SLC6A2: variants seen among roughly 807,000 people sequenced by gnomAD.
SLC6A2 encodes the protein sodium-dependent noradrenaline transporter.
In SLC6A2, 26 loss-of-function variants were observed where a neutral mutation model predicts 71.7. The ratio of observed to expected loss-of-function variants is 0.36; its 90% CI spans 0.27 to 0.50. The LOEUF is 0.50. Among genes scored for constraint, SLC6A2 ranks in the 20% least tolerant of loss-of-function variants. The probability of loss-of-function intolerance (pLI) is 0.96; values close to 1 mark genes in which losing one functional copy is unlikely to be tolerated. For missense variants in SLC6A2, 581 were observed against 803.9 expected (o/e 0.72, Z 3.35); for synonymous variants, 363 against 337.9 (o/e 1.07, Z -0.82).
intron 5 of SLC6A2, among the ~76,000 whole-genome samples, chr16:55,689,131 C>A (rs1430538936): frequency 1.3e-5 from 2 of 152,150 alleles, no homozygotes; most frequent in Non-Finnish European, 2.9e-5. Flanking sequence ...AGCTGAGAAG[C>A]CTGGGGTGGA....
chr16:55,702,280 T>C, intron 14 of SLC6A2, 43 bp from the exon 15 acceptor site: 1 of 1,608,260 alleles, frequency 6.2e-7, no homozygotes, highest in Non-Finnish European at 8.5e-7. Context: ...TGCTCCTTTC[T>C]GTCCCCACCA....
chr16:55,700,333 C>G, intron 13 of SLC6A2, 27 bp downstream of exon 13: 5 of 1,595,506 alleles, frequency 3.1e-6, no homozygotes, highest in Non-Finnish European at 4.3e-6. Flanking sequence ...CCCAGGGGAA[C>G]AGGGTGGGAG....
chr16:55,679,216 TTTC>T (rs1415536743), intron 4 of SLC6A2, among the ~76,000 whole-genome samples: 1 of 150,630 alleles, frequency 6.6e-6, no homozygotes, highest in Admixed American at 6.6e-5. Context: ...TGCCTCTGGT[TTTC>T]TTTTTTCTTT....
chr16:55,676,711 T>A (rs1318903486), intron 4 of SLC6A2, among the ~76,000 whole-genome samples: 1 of 152,244 alleles, frequency 6.6e-6, no homozygotes, highest in South Asian at 2.1e-4. Flanking sequence ...ATTCCAGCCA[T>A]AGTTCAAAGC....
intron 4 of SLC6A2, among the ~76,000 whole-genome samples, chr16:55,683,385 G>A (rs192176927): frequency 9.8e-5 from 15 of 152,322 alleles, no homozygotes; most frequent in Admixed American, 9.8e-4. Flanking sequence ...GCCAAGGCAG[G>A]TGGATAGCCT....
chr16:55,682,565 C>T (rs1489834774), intron 4 of SLC6A2, among the ~76,000 whole-genome samples: 1 of 152,194 alleles, frequency 6.6e-6, no homozygotes, highest in African/African-American at 2.4e-5. Flanking sequence ...CAGTTCTGGG[C>T]TTAGCACTGG....
rs1343889698 is a variant in SLC6A2, at chr16:55,704,971, G to GA, written c.*2626dup. 2.7e-6 allele frequency: 1 copy of GA among 371,326 alleles called. No individual in the cohort carries two copies. The highest frequency in any genetic ancestry group is 2.1e-5 in the African/African-American group (1 of 48,010). 23.0% of individuals were successfully genotyped at this position (371,326 alleles called of 1,614,324 possible). Reference sequence around the variant, plus strand: ...TACCTTTCCACCCACATTTAATGGAGAGAGAGTATGGGCTTTATGTTAAGT... The same window carrying GA: ...TACCTTTCCACCCACATTTAATGGAGAAGAGAGTATGGGCTTTATGTTAAGT... On this transcript the variant is annotated 3_prime_UTR_variant, in exon 15 of 15. Transcript: ENST00000568943.
chr16:55,689,176 A>G (rs1302644231), intron 5 of SLC6A2, among the ~76,000 whole-genome samples: 2 of 152,160 alleles, frequency 1.3e-5, no homozygotes, highest in African/African-American at 4.8e-5. Flanking sequence ...CTGTTTACCC[A>G]TTGTGCATTC....
In SLC6A2 at chr16:55,685,307, C is replaced by T. The variant is rs1276399425; in HGVS notation, c.783+26C>T. 9 of 1,610,328 alleles carry T rather than the reference C, an allele frequency of 5.6e-6. No individual in the cohort carries two copies. The Admixed American group carries it at 6.7e-5, about 12-fold the overall frequency. ...GTAATATCTCTGTGTTTCTCTTTCA[C>T]TTACTTGGGTGATCAACCTTGGGGG... On this transcript the variant is annotated intron_variant, in intron 5 of 14. Transcript: ENST00000568943.
At chr16:55,699,732 T>C (rs1422585658) in intron 12 of SLC6A2, 78 bp downstream of exon 12, 1 of 1,063,748 alleles carries the variant, frequency 9.4e-7, no homozygotes, top group East Asian at 2.5e-5. Context: ...GGATATTTGC[T>C]TCTTAGGGGA....
At chr16:55,692,281 T>A (rs1335230700) in intron 6 of SLC6A2, among the ~76,000 whole-genome samples, 2 of 152,216 alleles carry the variant, frequency 1.3e-5, no homozygotes, top group African/African-American at 4.8e-5. Context: ...TGTGGTTGCA[T>A]CTGGTGGTCT....
intron 4 of SLC6A2, among the ~76,000 whole-genome samples, chr16:55,677,310 T>C (rs1224340353): frequency 6.6e-6 from 1 of 152,092 alleles, no homozygotes; most frequent in Admixed American, 6.6e-5. Context: ...ACACATGTGA[T>C]TGGTTGCACC....
At chr16:55,685,720 G>T (rs1279167045) in intron 5 of SLC6A2, among the ~76,000 whole-genome samples, 3 of 152,048 alleles carry the variant, frequency 2.0e-5, no homozygotes, top group Non-Finnish European at 4.4e-5. Context: ...CTGAATTTTT[G>T]AGAAAAAAGG....
Position 55,704,787 on chromosome 16 carries a change from A to G in SLC6A2, c.*2441A>G. 1 of 157,312 alleles carries G rather than the reference A, an allele frequency of 6.4e-6. No homozygotes were observed. Among genetic ancestry groups the G allele is most frequent in the Non-Finnish European group, 1.4e-5 (1 of 71,496 alleles). 9.7% of individuals were successfully genotyped at this position (157,312 alleles called of 1,614,324 possible). ...GAATCGGAGATGTGGTGCTAGCTGA[A>G]CCAACACCAAACCAACGCAGTGGTG... On this transcript the variant is annotated 3_prime_UTR_variant, in exon 15 of 15. Transcript: ENST00000568943.
Position 55,699,673 on chromosome 16 carries a change from G to GCTTCCCTGCAGAC in SLC6A2, c.1590+19_1590+20insCTTCCCTGCAGAC. 6.4e-7 allele frequency: 1 copy of GCTTCCCTGCAGAC among 1,551,380 alleles called. No individual in the cohort carries two copies. The highest frequency in any genetic ancestry group is 1.3e-5 in the African/African-American group (1 of 74,128). ...CCTCCTGGTGTGTAGTGTCTGCAGG[G>GCTTCCCTGCAGAC]AAGTCCTGCATGTGGGGAGGGGGCT... On this transcript the variant is annotated intron_variant, in intron 12 of 14. Coordinates refer to ENST00000568943, the MANE Select transcript of SLC6A2 (RefSeq NM_001172501.3).
chr16:55,701,308 C>G (rs575246553), intron 13 of SLC6A2, among the ~76,000 whole-genome samples: 8 of 152,284 alleles, frequency 5.3e-5, no homozygotes, highest in Admixed American at 2.0e-4. Context: ...GATCAGTGTT[C>G]AGTGACCTCA....
At chr16:55,669,000 C>T (rs1350955876) in intron 2 of SLC6A2, among the ~76,000 whole-genome samples, 1 of 152,262 alleles carries the variant, frequency 6.6e-6, no homozygotes, top group Non-Finnish European at 1.5e-5. Flanking sequence ...TGTTTGCAGG[C>T]TGTTGTGAAA....
intron 2 of SLC6A2, among the ~76,000 whole-genome samples, chr16:55,662,555 G>A (rs147879364): frequency 4.2e-4 from 64 of 152,316 alleles, no homozygotes; most frequent in African/African-American, 1.5e-3. Flanking sequence ...CCTCTGTGAT[G>A]TAGTTCTGAG....
At chr16:55,657,443 G>A (rs1964489713) in intron 2 of SLC6A2, among the ~76,000 whole-genome samples, 1 of 152,188 alleles carries the variant, frequency 6.6e-6, no homozygotes, top group Non-Finnish European at 1.5e-5. Flanking sequence ...CTCTGAGCCT[G>A]GGGGCAGGAA....
Sources: allele counts gnomAD v4.1 joint callset (sites outside exome capture counted in the v4.1 genomes callset), GRCh38; gene constraint gnomAD v4.1.1; transcripts MANE v1.5; gene names NCBI Gene and HGNC (gene_info 2026-07-23, HGNC 2026-07-21).